Variants in SLC27A2 observed in about 807,000 individuals in gnomAD.
SLC27A2 encodes long-chain fatty acid transport protein 2.
A neutral mutation model predicts 60.0 loss-of-function variants in SLC27A2; 54 were observed. The ratio of observed to expected loss-of-function variants is 0.90; its 90% confidence interval spans 0.72 to 1.13. The LOEUF is 1.13. Ranked by LOEUF, SLC27A2 falls within the 50% of genes most tolerant of loss-of-function variation. The pLI, the probability that SLC27A2 is intolerant of heterozygous loss-of-function variation, is 0.00. For missense variants in SLC27A2, 739 were observed against 777.6 expected, an observed-to-expected ratio of 0.95 and a Z score of 0.59; for synonymous variants, 297 against 297.6, an observed-to-expected ratio of 1.00 and a Z score of 0.02.
At chr15:50,223,242 A>G (rs2045256669) in intron 5 of SLC27A2, 83 bp downstream of exon 5, 2 of 1,033,312 alleles carry the variant, frequency 1.9e-6, no homozygotes, top group South Asian at 3.3e-5. Context: ...TGATGATGTT[A>G]TCAGAAGTCA....
chr15:50,207,577 GTCAGGAGT>G, intron 4 of SLC27A2, among the ~76,000 whole-genome samples: 1 of 152,062 alleles, frequency 6.6e-6, no homozygotes, highest in Admixed American at 6.5e-5. Context: ...ATCATTCAAG[GTCAGGAGT>G]TCAAGACCAG....
chr15:50,222,488 C>G (rs2045250282), intron 4 of SLC27A2, among the ~76,000 whole-genome samples: 1 of 152,208 alleles, frequency 6.6e-6, no homozygotes, highest in Non-Finnish European at 1.5e-5. Flanking sequence ...ATCCTAGACA[C>G]TGCTCAGGGT....
At chr15:50,225,771 G>A (rs2045273461) in intron 5 of SLC27A2, among the ~76,000 whole-genome samples, 2 of 152,170 alleles carry the variant, frequency 1.3e-5, no homozygotes, top group Admixed American at 6.5e-5. Context: ...AGCAGTATAA[G>A]TCAGAATAGT....
chr15:50,187,038 G>A (rs1020075189), intron 1 of SLC27A2, among the ~76,000 whole-genome samples: 1 of 152,212 alleles, frequency 6.6e-6, no homozygotes, highest in African/African-American at 2.4e-5. Context: ...CATGAGGATT[G>A]ATCCAGTTGT....
intron 1 of SLC27A2, among the ~76,000 whole-genome samples, chr15:50,187,320 A>G (rs1005310149): frequency 6.6e-6 from 1 of 152,244 alleles, no homozygotes; most frequent in African/African-American, 2.4e-5. Flanking sequence ...GTTGTAACTA[A>G]TAAAAGCCAC....
Position 50,233,936 on chromosome 15 carries a change from C to T in SLC27A2, c.1624C>T (p.Leu542Phe). The change falls in exon 9 of 10, where the codon CTC becomes TTC. Residue 542 changes from leucine (L) to phenylalanine (F), a missense_variant. Coordinates refer to ENST00000267842, the MANE Select transcript of SLC27A2 (RefSeq NM_003645.4). ...KENHEFDGKK[L>F]FQHIADYLPS... ...AAACCATGAATTTGATGGAAAGAAA[C>T]TCTTTCAGCACATTGCTGATTACCT... is the stretch of plus-strand genomic sequence containing the variant. The T allele has an allele frequency of 1.9e-6, 3 of 1,613,690 alleles. No homozygotes were observed. The highest frequency in any genetic ancestry group is 1.1e-5 in the South Asian group (1 of 91,072).
intron 4 of SLC27A2, among the ~76,000 whole-genome samples, chr15:50,214,003 A>C (rs981315818): frequency 6.9e-5 from 10 of 145,652 alleles, no homozygotes; most frequent in East Asian, 5.8e-4. Flanking sequence ...AACAAACAAA[A>C]AAAAAGATAA....
intron 6 of SLC27A2, 127 bp from the exon 7 acceptor site, chr15:50,226,853 C>T (rs1289223781): frequency 3.0e-6 from 2 of 666,154 alleles, no homozygotes; most frequent in Non-Finnish European, 5.2e-6. Context: ...GGTATACATG[C>T]ATGGAAAATG....
intron 8 of SLC27A2, 50 bp from the exon 9 acceptor site, chr15:50,233,814 TAAAG>T: frequency 6.7e-7 from 1 of 1,499,270 alleles, no homozygotes; most frequent in South Asian, 1.3e-5. Context: ...TTTGAACTAA[TAAAG>T]CATCATAAAT....
At chr15:50,215,038 G>A (rs1056880138) in intron 4 of SLC27A2, among the ~76,000 whole-genome samples, 32 of 152,270 alleles carry the variant, frequency 2.1e-4, no homozygotes, top group African/African-American at 7.5e-4. Flanking sequence ...ACTGCTTGCT[G>A]ACGATATGAT....
chr15:50,217,328 G>T (rs28431947), intron 4 of SLC27A2, among the ~76,000 whole-genome samples: 6 of 152,150 alleles, frequency 3.9e-5, no homozygotes, highest in African/African-American at 1.4e-4. Flanking sequence ...GGAGACAGGA[G>T]GATTTTTCTC....
intron 1 of SLC27A2, among the ~76,000 whole-genome samples, chr15:50,184,138 G>GTGGT (rs1437133725): frequency 1.3e-5 from 2 of 151,574 alleles, no homozygotes; most frequent in Non-Finnish European, 2.9e-5. Flanking sequence ...CCACAGGCAT[G>GTGGT]CACCACCATG....
At chr15:50,222,668 T>C (rs2045251599) in intron 4 of SLC27A2, among the ~76,000 whole-genome samples, 1 of 152,234 alleles carries the variant, frequency 6.6e-6, no homozygotes, top group Non-Finnish European at 1.5e-5. Flanking sequence ...CACCTGGTTC[T>C]GTCAGATTGC....
intron 1 of SLC27A2, 75 bp from the exon 2 acceptor site, chr15:50,197,425 G>C: frequency 9.0e-7 from 1 of 1,113,654 alleles, no homozygotes; most frequent in Non-Finnish European, 1.3e-6. Context: ...ATAAAATTAT[G>C]ATGCTTGTTG....
intron 5 of SLC27A2, among the ~76,000 whole-genome samples, chr15:50,224,126 G>T (rs28415278): frequency 6.6e-6 from 1 of 152,178 alleles, no homozygotes; most frequent in Admixed American, 6.5e-5. Flanking sequence ...GCCCACACTC[G>T]ATAAGGGAAA....
In SLC27A2 at chr15:50,183,049, A is replaced by C. The variant is rs2044880897; in HGVS notation, c.478+144A>C. ...AAAAAGGTTGGCAGTGTTTCCTTGA[A>C]TCGCAAATAATGATCTTTTAGGACC... On this transcript the variant is annotated intron_variant, in intron 1 of 9. Transcript: ENST00000267842. 1.5e-5 allele frequency: 12 copies of C among 806,768 alleles called. No homozygotes were observed. In the South Asian group the frequency reaches 1.9e-4, roughly 13 times the overall value. 50.0% of individuals were successfully genotyped at this position (806,768 alleles called of 1,614,324 possible).
intron 1 of SLC27A2, among the ~76,000 whole-genome samples, chr15:50,194,122 G>A (rs546150804): frequency 1.3e-5 from 2 of 152,146 alleles, no homozygotes; most frequent in African/African-American, 4.8e-5. Context: ...CTCCAGCCTG[G>A]GAGACAGAGC....
chr15:50,232,205 G>T (rs28505254), intron 8 of SLC27A2, among the ~76,000 whole-genome samples: 22,294 of 152,176 alleles, frequency 0.15, 1,700 homozygotes, highest in Middle Eastern at 0.18. Flanking sequence ...GAACAGGAGA[G>T]AATTTCCAGG....
chr15:50,198,050 T>C (rs1004347575), intron 2 of SLC27A2, among the ~76,000 whole-genome samples: 6 of 152,090 alleles, frequency 3.9e-5, no homozygotes, highest in Admixed American at 3.9e-4. Flanking sequence ...CCAGAGTCCA[T>C]ATAGACTGTA....
Sources: gnomAD v4.1 joint callset for allele counts (sites outside exome capture counted in the v4.1 genomes callset) on GRCh38, gnomAD v4.1.1 for gene constraint, MANE v1.5 for transcripts, NCBI Gene and HGNC (gene_info 2026-07-23, HGNC 2026-07-21) for gene names.